CLINT1: variants seen among roughly 807,000 people sequenced by gnomAD.
The protein encoded by CLINT1 is clathrin interacting protein localized in the trans-Golgi region.
Under a neutral mutation model 70.4 loss-of-function variants are expected in CLINT1, and 15 were observed. The observed-to-expected ratio is 0.21, with a 90% CI of 0.14 to 0.33. CLINT1 has a LOEUF of 0.33. Among genes scored for constraint, CLINT1 ranks in the 10% least tolerant of loss-of-function variants. The probability of loss-of-function intolerance (pLI) is 1.00; values close to 1 mark genes in which losing one functional copy is unlikely to be tolerated. For synonymous variants in CLINT1, 227 were observed against 254.7 expected (o/e 0.89, Z 1.04); for missense variants, 615 against 778.1 (o/e 0.79, Z 2.49).
chr5:157,797,300 A>G (rs1330873625), intron 8 of CLINT1, among the ~76,000 whole-genome samples: 1 of 152,232 alleles, frequency 6.6e-6, no homozygotes, highest in African/African-American at 2.4e-5. Flanking sequence ...ATTAAAGATT[A>G]TTTTAATTTG....
intron 8 of CLINT1, among the ~76,000 whole-genome samples, chr5:157,798,673 C>T (rs1762131774): frequency 6.6e-6 from 1 of 151,962 alleles, no homozygotes; most frequent in Admixed American, 6.6e-5. Flanking sequence ...AAATAAAGAA[C>T]ATGAATAGAT....
At chr5:157,856,756 A>T (rs2113349451) in intron 1 of CLINT1, among the ~76,000 whole-genome samples, 1 of 152,334 alleles carries the variant, frequency 6.6e-6, no homozygotes, top group East Asian at 1.9e-4. Context: ...AGCCTTAAAA[A>T]GTCTTTGGTG....
intron 1 of CLINT1, among the ~76,000 whole-genome samples, chr5:157,851,112 T>C (rs1561677758): frequency 6.6e-6 from 1 of 151,584 alleles, no homozygotes; most frequent in Non-Finnish European, 1.5e-5. Context: ...CTTTAATGAT[T>C]TACTAAAAAT....
In CLINT1 at chr5:157,803,738, C is replaced by A; in HGVS notation, c.943-19G>T. 1 of 1,515,564 alleles carries A rather than the reference C, an allele frequency of 6.6e-7. No individual in the cohort carries two copies. The highest frequency in any genetic ancestry group is 1.4e-5 in the South Asian group (1 of 73,060). The allele number at this position is 1,515,564 out of a possible 1,614,324, so 93.9% of individuals were successfully genotyped here. A position where few individuals can be genotyped will look rare whatever the true frequency, so the allele number is the denominator to read the frequency against. On this transcript the variant is annotated intron_variant, in intron 7 of 11. Coordinates refer to ENST00000411809, the MANE Select transcript of CLINT1 (RefSeq NM_014666.4). ...CTGAAGTCTGAAAACACACACATAA[C>A]TCAGGAGCTTCGAAAAGTTTGTTTT... is the stretch of plus-strand genomic sequence containing the variant.
chr5:157,821,529 G>C (rs1762879975), intron 1 of CLINT1, among the ~76,000 whole-genome samples: 1 of 152,134 alleles, frequency 6.6e-6, no homozygotes, highest in African/African-American at 2.4e-5. Context: ...GTAATTTTCA[G>C]AACAATCTAA....
chr5:157,845,728 G>A (rs1049641616), intron 1 of CLINT1, among the ~76,000 whole-genome samples: 4 of 151,574 alleles, frequency 2.6e-5, no homozygotes, highest in Non-Finnish European at 5.9e-5. Context: ...ATTTTTTTTT[G>A]TATTTTTAGT....
At chr5:157,830,910 C>T (rs1226792328) in intron 1 of CLINT1, among the ~76,000 whole-genome samples, 1 of 151,188 alleles carries the variant, frequency 6.6e-6, no homozygotes, top group South Asian at 2.1e-4. Context: ...CACCTGTAGT[C>T]CCAGCTACTG....
chr5:157,836,094 C>T (rs941480149), intron 1 of CLINT1, among the ~76,000 whole-genome samples: 3 of 152,176 alleles, frequency 2.0e-5, no homozygotes, highest in Non-Finnish European at 4.4e-5. Flanking sequence ...TCTATTACCA[C>T]AGAAGAACTG....
intron 1 of CLINT1, among the ~76,000 whole-genome samples, chr5:157,830,618 G>A (rs895633907): frequency 1.1e-4 from 17 of 151,822 alleles, no homozygotes; most frequent in African/African-American, 3.6e-4. Flanking sequence ...GTTCACGGCT[G>A]TAATCCCAGC....
intron 8 of CLINT1, among the ~76,000 whole-genome samples, chr5:157,797,798 C>T (rs1362673525): frequency 6.6e-6 from 1 of 152,202 alleles, no homozygotes. Context: ...TTCTGACATA[C>T]CCTGTATTTA....
intron 10 of CLINT1, among the ~76,000 whole-genome samples, chr5:157,791,291 C>A (rs1044631067): frequency 6.6e-6 from 1 of 152,154 alleles, no homozygotes; most frequent in East Asian, 1.9e-4. Context: ...ATCTCCTGAC[C>A]AAGTGATCCA....
intron 8 of CLINT1, among the ~76,000 whole-genome samples, chr5:157,803,265 G>T (rs1437943263): frequency 1.3e-5 from 2 of 152,140 alleles, no homozygotes; most frequent in African/African-American, 4.8e-5. Context: ...AAAAATTTCA[G>T]AAAGTACATG....
intron 1 of CLINT1, among the ~76,000 whole-genome samples, chr5:157,856,390 C>T (rs1314241999): frequency 1.3e-5 from 2 of 152,214 alleles, no homozygotes; most frequent in Non-Finnish European, 2.9e-5. Flanking sequence ...TAATTAAAAA[C>T]GTAATGCCAG....
At chr5:157,802,099 T>G (rs1184665923) in intron 8 of CLINT1, among the ~76,000 whole-genome samples, 1 of 152,152 alleles carries the variant, frequency 6.6e-6, no homozygotes, top group Non-Finnish European at 1.5e-5. Context: ...TTCACCATGT[T>G]GGCCATGCTG....
At chr5:157,856,089 G>C (rs1183392121) in intron 1 of CLINT1, among the ~76,000 whole-genome samples, 1 of 152,164 alleles carries the variant, frequency 6.6e-6, no homozygotes. Flanking sequence ...TAGTCTTCCT[G>C]AGTCATGGTC....
chr5:157,789,468 T>C lies in CLINT1; in HGVS notation c.1426A>G (p.Thr476Ala). ...QKSVSKTLPS[T>A]WSDPSVNISL... is the part of the protein sequence containing the mutation. ...ATGTTTACACTGGGGTCAGACCAAGTAGAGGGCAAGGTTTTGCTGACTGAT... is the reference window on the plus strand; with the variant it reads ...ATGTTTACACTGGGGTCAGACCAAGCAGAGGGCAAGGTTTTGCTGACTGAT... Residue 476 changes from threonine (T) to alanine (A), a missense_variant, in exon 11 of 12, where the codon ACT becomes GCT. Coordinates refer to ENST00000411809, the MANE Select transcript of CLINT1 (RefSeq NM_014666.4). 6.2e-7 allele frequency: 1 copy of C among 1,613,894 alleles called. No individual in the cohort carries two copies. Among genetic ancestry groups the C allele is most frequent in the Non-Finnish European group, 8.5e-7 (1 of 1,179,840 alleles).
chr5:157,851,141 A>C (rs1753559217), intron 1 of CLINT1, among the ~76,000 whole-genome samples: 1 of 114,688 alleles, frequency 8.7e-6, no homozygotes, highest in Non-Finnish European at 1.7e-5. Context: ...ACAAATGGCA[A>C]ACAAACAAAC....
chr5:157,788,730 G>A (rs1398361336), intron 11 of CLINT1, among the ~76,000 whole-genome samples: 1 of 152,180 alleles, frequency 6.6e-6, no homozygotes, highest in African/African-American at 2.4e-5. Context: ...CACTTTGGGA[G>A]GCCAAGGCGA....
chr5:157,816,008 T>G (rs1157365492), intron 3 of CLINT1, among the ~76,000 whole-genome samples: 1 of 152,112 alleles, frequency 6.6e-6, no homozygotes, highest in Non-Finnish European at 1.5e-5. Context: ...ACCAAAAAAC[T>G]AAAAGCAAAT....
Sources: gnomAD v4.1 joint callset for allele counts (sites outside exome capture counted in the v4.1 genomes callset) on GRCh38, gnomAD v4.1.1 for gene constraint, MANE v1.5 for transcripts, NCBI Gene and HGNC (gene_info 2026-07-23, HGNC 2026-07-21) for gene names.